The following PECR variants were observed in gnomAD, a reference collection of about 807,000 sequenced individuals.
PECR encodes 2,4-dienoyl-CoA reductase-related protein.
In PECR, 30 loss-of-function variants were observed where a neutral mutation model predicts 35.3. The observed-to-expected ratio is 0.85, with a 90% CI of 0.64 to 1.15. The LOEUF is 1.15. Among genes scored for constraint, PECR ranks in the 50% most tolerant of loss-of-function variants. The pLI, the probability that PECR is intolerant of heterozygous loss-of-function variation, is 0.00. For synonymous variants in PECR, 148 were observed against 138.9 expected, an observed-to-expected ratio of 1.07 and a Z score of -0.46; for missense variants, 392 against 370.8, an observed-to-expected ratio of 1.06 and a Z score of -0.47.
Position 216,043,920 on chromosome 2 carries a change from G to GT in PECR, c.809dup (p.His270GlnfsTer4), listed in dbSNP as rs1694944200. On this transcript the variant is annotated frameshift_variant, in exon 7 of 8. Transcript: ENST00000265322. LOFTEE classifies it low-confidence loss of function (END_TRUNC). ...GCTGCTCACCTGGTACCTCATACGA[G>GT]TGAGTATAGAGACTCCGGCCCCCAT... 1 of 1,587,364 alleles carries GT rather than the reference G, an allele frequency of 6.3e-7. No individual in the cohort carries two copies. Among genetic ancestry groups the GT allele is most frequent in the African/African-American group, 1.3e-5 (1 of 74,544 alleles).
chr2:216,054,520 G>C (rs1302277448), intron 4 of PECR, among the ~76,000 whole-genome samples: 1 of 151,374 alleles, frequency 6.6e-6, no homozygotes, highest in East Asian at 2.0e-4. Flanking sequence ...ATTTTTAGTA[G>C]AGATGGGGTT....
intron 3 of PECR, among the ~76,000 whole-genome samples, chr2:216,059,434 T>C (rs1695291773): frequency 6.6e-6 from 1 of 152,252 alleles, no homozygotes; most frequent in Admixed American, 6.5e-5. Flanking sequence ...TAGTTCCTTT[T>C]TGATTGCCGA....
intron 1 of PECR, among the ~76,000 whole-genome samples, chr2:216,072,382 G>A (rs570196316): frequency 6.6e-6 from 1 of 152,260 alleles, no homozygotes; most frequent in Middle Eastern, 3.4e-3. Flanking sequence ...TGAAAATAAG[G>A]CACTTTATTT....
chr2:216,052,662 T>C (rs921903878), intron 4 of PECR, among the ~76,000 whole-genome samples: 2 of 152,198 alleles, frequency 1.3e-5, no homozygotes, highest in Admixed American at 1.3e-4. Flanking sequence ...AGCAATATGA[T>C]TATGATGTGC....
At chr2:216,055,051 G>T (rs1441952603) in intron 4 of PECR, among the ~76,000 whole-genome samples, 1 of 151,092 alleles carries the variant, frequency 6.6e-6, no homozygotes, top group South Asian at 2.1e-4. Context: ...GGCGGAGGCT[G>T]CAGTGAGCAG....
At chr2:216,075,915 G>A (rs1695688246) in intron 1 of PECR, among the ~76,000 whole-genome samples, 1 of 152,122 alleles carries the variant, frequency 6.6e-6, no homozygotes, top group Non-Finnish European at 1.5e-5. Context: ...TTCTACTGTA[G>A]TAACAGAAAG....
At chr2:216,045,190 GCTATAC>G (rs988019129) in intron 6 of PECR, among the ~76,000 whole-genome samples, 2 of 152,274 alleles carry the variant, frequency 1.3e-5, no homozygotes, top group African/African-American at 4.8e-5. Flanking sequence ...TATTCACAAG[GCTATAC>G]CTCCTTGAGA....
chr2:216,034,067 C>T (rs550117334), downstream of PECR: 25 of 152,204 alleles, frequency 1.6e-4, no homozygotes, highest in African/African-American at 4.8e-4. Flanking sequence ...AGAAGAAATA[C>T]CAAAGGAAGA....
intron 1 of PECR, among the ~76,000 whole-genome samples, chr2:216,078,514 G>A (rs974623586): frequency 4.0e-5 from 6 of 151,408 alleles, no homozygotes; most frequent in African/African-American, 1.5e-4. Flanking sequence ...CTTGAACCTG[G>A]GAGGTGGAGG....
rs1171690553 is a variant in PECR, at chr2:216,043,985, G to A, written c.745C>T (p.Pro249Ser). 2.5e-6 allele frequency: 4 copies of A among 1,611,898 alleles called. No homozygotes were observed. In the South Asian group the frequency reaches 4.4e-5, roughly 18 times the overall value. The change falls in exon 7 of 8, where the codon CCT becomes TCT. Residue 249 changes from proline to serine, a missense_variant. Coordinates refer to ENST00000265322, the MANE Select transcript of PECR (RefSeq NM_018441.6). Reference sequence around the variant, plus strand: ...TGTCCAGTGATGAAGGAAGCTGCAGGAGACAGTAGGAAGCAGACCACAGAG... The same window carrying A: ...TGTCCAGTGATGAAGGAAGCTGCAGAAGACAGTAGGAAGCAGACCACAGAG... ...VSSVVCFLLS[P>S]AASFITGQSV... is the part of the protein sequence containing the mutation.
intron 7 of PECR, among the ~76,000 whole-genome samples, chr2:216,030,303 G>A (rs141164637): frequency 5.3e-5 from 8 of 152,110 alleles, no homozygotes; most frequent in Non-Finnish European, 1.0e-4. Context: ...TACAGGGCAG[G>A]GGTCGGGGCT....
intron 4 of PECR, among the ~76,000 whole-genome samples, chr2:216,054,226 G>A (rs569697351): frequency 1.3e-5 from 2 of 151,060 alleles, no homozygotes; most frequent in African/African-American, 4.9e-5. Context: ...GGTGGAGGTT[G>A]CAGTGAGCCG....
Position 216,039,219 on chromosome 2 carries a change from G to T in PECR, c.*56C>A. The T allele has an allele frequency of 1.1e-6, 1 of 902,944 alleles. No individual in the cohort carries two copies. The highest frequency in any genetic ancestry group is 1.9e-6 in the Non-Finnish European group (1 of 530,694). 55.9% of individuals were successfully genotyped at this position (902,944 alleles called of 1,614,324 possible). A position where few individuals can be genotyped will look rare whatever the true frequency, so the allele number is the denominator to read the frequency against. On this transcript the variant is annotated 3_prime_UTR_variant, in exon 8 of 8. Coordinates refer to ENST00000265322, the MANE Select transcript of PECR (RefSeq NM_018441.6). ...CTATAAGCTTTTAAAAAGTACAGAA[G>T]CATATCCTCAAGATGTGAAGGCACT...
chr2:216,036,812 C>T (rs1286353841), downstream of PECR, among the ~76,000 whole-genome samples: 1 of 152,204 alleles, frequency 6.6e-6, no homozygotes, highest in Non-Finnish European at 1.5e-5. Context: ...TGGGCACCTG[C>T]TTTTCAGAGG....
intron 7 of PECR, among the ~76,000 whole-genome samples, chr2:216,043,096 T>TATATATACACACATATAC (rs1491341667): frequency 7.4e-6 from 1 of 136,018 alleles, no homozygotes; most frequent in Non-Finnish European, 1.6e-5. Context: ...TACATATATA[T>TATATATACACACATATAC]GTATGCGTAT....
intron 1 of PECR, among the ~76,000 whole-genome samples, chr2:216,076,783 A>C (rs908644502): frequency 1.3e-5 from 2 of 151,994 alleles, no homozygotes; most frequent in East Asian, 1.9e-4. Flanking sequence ...CTGGGCAACA[A>C]AGCAAGATTC....
intron 7 of PECR, among the ~76,000 whole-genome samples, chr2:216,031,109 TAGAA>T (rs1366229776): frequency 6.6e-6 from 1 of 151,978 alleles, no homozygotes; most frequent in African/African-American, 2.4e-5. Flanking sequence ...AACAACGCGT[TAGAA>T]AGAGTTGCAT....
intron 4 of PECR, among the ~76,000 whole-genome samples, chr2:216,058,493 C>G (rs1471464168): frequency 2.0e-5 from 3 of 152,100 alleles, no homozygotes; most frequent in Non-Finnish European, 1.5e-5. Context: ...TGTGTAAAAT[C>G]AAGTAGCTAT....
chr2:216,065,352 A>C lies in PECR; in HGVS notation c.384T>G (p.Leu128=). The C allele has an allele frequency of 1.2e-6, 2 of 1,612,408 alleles. No individual in the cohort carries two copies. Among genetic ancestry groups the C allele is most frequent in the Non-Finnish European group, 1.7e-6 (2 of 1,178,388 alleles). The change falls in exon 3 of 8, where the codon CTT becomes CTG. Residue 128 remains leucine (L), a synonymous_variant. Transcript: ENST00000265322. The part of the protein sequence containing the change: ...HISSKGWHAV[L]ETNLTGTFYM... ...AGAAGGTACCCGTCAGGTTGGTCTC[A>C]AGCACAGCGTGCCATCCCTTAGAAC...
Sources: gnomAD v4.1 joint callset for allele counts (sites outside exome capture counted in the v4.1 genomes callset) on GRCh38, gnomAD v4.1.1 for gene constraint, MANE v1.5 for transcripts, NCBI Gene and HGNC (gene_info 2026-07-23, HGNC 2026-07-21) for gene names.